Variants in KLF12 observed in about 807,000 individuals in gnomAD.
The protein encoded by KLF12 is Krueppel-like factor 12.
A neutral mutation model predicts 37.8 loss-of-function variants in KLF12; 9 were observed. That is an observed-to-expected ratio of 0.24 (90% CI 0.14 to 0.42). The LOEUF is 0.42. Among genes scored for constraint, KLF12 ranks in the 10% least tolerant of loss-of-function variants. The probability of loss-of-function intolerance (pLI) is 1.00; values close to 1 mark genes in which losing one functional copy is unlikely to be tolerated. For missense variants in KLF12, 411 were observed against 516.0 expected (o/e 0.80, Z 1.97); for synonymous variants, 208 against 202.1 (o/e 1.03, Z -0.25).
chr13:73,906,035 G>A lies in KLF12; in HGVS notation c.123+37946C>T, dbSNP rs143512545. Among the ~76,000 whole-genome samples, 159 of 152,140 alleles carry A rather than the reference G, an allele frequency of 1.0e-3. 1 individual carries two copies. The highest frequency in any genetic ancestry group is 3.5e-3 in the African/African-American group (145 of 41,508). ...GTTTGGTTTAATATGTGTATTGATT[G>A]CCTTTTCATCATTACTCCTGTATCA... On this transcript the variant is annotated intron_variant, in intron 3 of 7. Transcript: ENST00000377669.
Position 73,851,815 on chromosome 13 carries a change from T to C in KLF12, c.124-5442A>G, listed in dbSNP as rs573006090. 2.0e-5 allele frequency among the ~76,000 whole-genome samples: 3 copies of C among 152,342 alleles called. No homozygotes were observed. In the South Asian group the frequency reaches 6.2e-4, roughly 32 times the overall value. On this transcript the variant is annotated intron_variant, in intron 3 of 7. Coordinates refer to ENST00000377669, the MANE Select transcript of KLF12 (RefSeq NM_007249.5). ...TTAAAAAGGAATTAAACTAAATCTA[T>C]GACTCCACATCCTTGGAGCTTTTAG...
chr13:74,226,675 A>T, the KLF12 span, among the ~76,000 whole-genome samples: 1 of 152,030 alleles, frequency 6.6e-6, no homozygotes, highest in Non-Finnish European at 1.5e-5. Context: ...TTTTTTTCTC[A>T]TACACTCTTT....
At chr13:73,699,968 T>C (rs903332706) in intron 7 of KLF12, among the ~76,000 whole-genome samples, 4 of 152,078 alleles carry the variant, frequency 2.6e-5, no homozygotes, top group Admixed American at 1.3e-4. Flanking sequence ...AAAAATGATA[T>C]ATAAATTATA....
At chr13:74,193,380 C>G in the KLF12 span, among the ~76,000 whole-genome samples, 2 of 152,158 alleles carry the variant, frequency 1.3e-5, no homozygotes, top group South Asian at 4.1e-4. Context: ...GAGGTAGAAA[C>G]TATTATTACC....
At chr13:73,997,927 G>C (rs1892165514) in intron 1 of KLF12, among the ~76,000 whole-genome samples, 1 of 152,114 alleles carries the variant, frequency 6.6e-6, no homozygotes, top group African/African-American at 2.4e-5. Context: ...TTGCTGCCTG[G>C]AACCATGGGT....
At chr13:73,949,506 T>C (rs987408131) in intron 2 of KLF12, among the ~76,000 whole-genome samples, 3 of 152,192 alleles carry the variant, frequency 2.0e-5, no homozygotes, top group Non-Finnish European at 4.4e-5. Context: ...CCTAGGAAGA[T>C]CTCATAATTA....
intron 6 of KLF12, among the ~76,000 whole-genome samples, chr13:73,728,309 T>G (rs926793769): frequency 1.3e-5 from 2 of 152,248 alleles, no homozygotes. Flanking sequence ...ATTCATCTTG[T>G]GTCCTGTAAC....
chr13:73,695,709 T>G, intron 7 of KLF12, 38 bp from the exon 8 acceptor site: 3 of 1,593,670 alleles, frequency 1.9e-6, no homozygotes, highest in Non-Finnish European at 2.6e-6. Context: ...TGGTGCTCCA[T>G]CCATCACTTT....
intron 1 of KLF12, among the ~76,000 whole-genome samples, chr13:74,001,534 A>C (rs1892282424): frequency 6.6e-6 from 1 of 152,346 alleles, no homozygotes; most frequent in Admixed American, 6.5e-5. Context: ...ACAATCAAGA[A>C]AAAATAAGTT....
intron 4 of KLF12, among the ~76,000 whole-genome samples, chr13:73,829,283 A>G (rs74536405): frequency 0.22 from 34,202 of 152,160 alleles, 4,211 homozygotes; most frequent in East Asian, 0.47. Context: ...TAAAAAAGAA[A>G]TCTTAATTTT....
At chr13:73,862,065 T>C (rs2138810193) in intron 3 of KLF12, among the ~76,000 whole-genome samples, 1 of 152,068 alleles carries the variant, frequency 6.6e-6, no homozygotes, top group African/African-American at 2.4e-5. Context: ...GTTTTTTTTT[T>C]TTTTTTGAAA....
At chr13:74,052,535 G>A (rs75223505) in intron 1 of KLF12, among the ~76,000 whole-genome samples, 1 of 152,004 alleles carries the variant, frequency 6.6e-6, no homozygotes, top group African/African-American at 2.4e-5. Context: ...ACTAGGCAGG[G>A]AGGCACATTA....
the KLF12 span, among the ~76,000 whole-genome samples, chr13:74,197,100 A>G: frequency 1.3e-5 from 2 of 152,148 alleles, no homozygotes; most frequent in Admixed American, 1.3e-4. Flanking sequence ...ATAAGATCTC[A>G]GACAACTCAG....
At chr13:74,057,063 A>G (rs758049342) in intron 1 of KLF12, among the ~76,000 whole-genome samples, 1 of 152,234 alleles carries the variant, frequency 6.6e-6, no homozygotes, top group Non-Finnish European at 1.5e-5. Flanking sequence ...GAGACCAGCC[A>G]TGATGAGCTG....
chr13:74,021,831 A>G (rs1279809858), intron 1 of KLF12, among the ~76,000 whole-genome samples: 1 of 152,208 alleles, frequency 6.6e-6, no homozygotes, highest in African/African-American at 2.4e-5. Context: ...TTATCAGTAG[A>G]TACACAAGAA....
At position 73,824,285 on chromosome 13, in the gene KLF12, G is replaced by T. The variant is rs961982298; in HGVS notation, c.671-10998C>A. Among the ~76,000 whole-genome samples, 5 of 152,240 alleles carry T rather than the reference G, an allele frequency of 3.3e-5. No individual in the cohort carries two copies. In the East Asian group the frequency reaches 9.7e-4, roughly 29 times the overall value. On this transcript the variant is annotated intron_variant, in intron 4 of 7. Transcript: ENST00000377669. ...TTGAGATGAGCCCCGTAGTTGTGCAGTCTCACTCATAAACTGACCCCCGGT... is the reference window on the plus strand; with the variant it reads ...TTGAGATGAGCCCCGTAGTTGTGCATTCTCACTCATAAACTGACCCCCGGT...
intron 4 of KLF12, among the ~76,000 whole-genome samples, chr13:73,827,950 G>A (rs1338800579): frequency 6.6e-6 from 1 of 152,156 alleles, no homozygotes; most frequent in Non-Finnish European, 1.5e-5. Context: ...TTTCAAACCA[G>A]TTCTAAGCTC....
intron 5 of KLF12, among the ~76,000 whole-genome samples, chr13:73,773,106 T>C (rs1267898753): frequency 6.6e-6 from 1 of 152,188 alleles, no homozygotes; most frequent in Admixed American, 6.5e-5. Context: ...CAGATGCACA[T>C]ACACATCTGG....
intron 5 of KLF12, among the ~76,000 whole-genome samples, chr13:73,799,129 G>C (rs779375667): frequency 1.1e-4 from 16 of 152,088 alleles, no homozygotes; most frequent in Non-Finnish European, 1.6e-4. Flanking sequence ...TGGAGTTGGA[G>C]GTCATTATTC....
Sources: gnomAD v4.1 joint callset for allele counts (sites outside exome capture counted in the v4.1 genomes callset) on GRCh38, gnomAD v4.1.1 for gene constraint, MANE v1.5 for transcripts, NCBI Gene and HGNC (gene_info 2026-07-23, HGNC 2026-07-21) for gene names.